SMG7: variants seen among roughly 807,000 people sequenced by gnomAD.
SMG7 encodes the protein SMG7 nonsense mediated mRNA decay factor.
SMG7 carries 34 observed loss-of-function variants against 148.2 expected under a neutral mutation model. That is an observed-to-expected ratio of 0.23 (90% confidence interval 0.17 to 0.31). The LOEUF is 0.31. SMG7 is among the 10% of genes least tolerant of loss of function. The probability of loss-of-function intolerance (pLI) is 1.00; values close to 1 mark genes in which losing one functional copy is unlikely to be tolerated. For synonymous variants in SMG7, 492 were observed against 515.1 expected (o/e 0.96, Z 0.61); for missense variants, 1,114 against 1,408.4 (o/e 0.79, Z 3.35).
intron 1 of SMG7, 30 bp from the exon 2 acceptor site, chr1:183,512,807 T>TC (rs778907684): frequency 6.9e-7 from 1 of 1,446,554 alleles, no homozygotes; most frequent in South Asian, 1.3e-5. Flanking sequence ...TAACTGATAC[T>TC]CTTTTTTTTT....
chr1:183,539,513 T>C (rs1668418870), intron 12 of SMG7, among the ~76,000 whole-genome samples: 3 of 152,228 alleles, frequency 2.0e-5, no homozygotes, highest in Admixed American at 6.5e-5. Context: ...TTGAATGGTA[T>C]GTCCCAAATT....
intron 4 of SMG7, among the ~76,000 whole-genome samples, chr1:183,524,114 C>G (rs1300210125): frequency 6.6e-6 from 1 of 151,812 alleles, no homozygotes; most frequent in Non-Finnish European, 1.5e-5. Flanking sequence ...GACGGGGTCT[C>G]TCTCTGTCAC....
At chr1:183,537,707 A>G (rs789171) in intron 11 of SMG7, among the ~76,000 whole-genome samples, 2,172 of 152,314 alleles carry the variant, frequency 0.014, 53 homozygotes, top group African/African-American at 0.049. Flanking sequence ...TTTGAAATTT[A>G]GTATTATATT....
At chr1:183,503,644 G>A (rs1250048201) in intron 1 of SMG7, among the ~76,000 whole-genome samples, 1 of 152,060 alleles carries the variant, frequency 6.6e-6, no homozygotes, top group East Asian at 1.9e-4. Flanking sequence ...GTGAGGGGAG[G>A]GAGGGACACC....
chr1:183,476,845 G>A (rs1180130257), intron 1 of SMG7, among the ~76,000 whole-genome samples: 1 of 152,126 alleles, frequency 6.6e-6, no homozygotes, highest in South Asian at 2.1e-4. Flanking sequence ...AGAATTCAGA[G>A]TATTTTCTCT....
At chr1:183,485,507 CTTA>C (rs1655232800) in intron 1 of SMG7, among the ~76,000 whole-genome samples, 1 of 152,120 alleles carries the variant, frequency 6.6e-6, no homozygotes, top group Non-Finnish European at 1.5e-5. Context: ...CTATTCCTCC[CTTA>C]TTATAGCTGT....
chr1:183,474,488 C>G (rs577837928), intron 1 of SMG7, among the ~76,000 whole-genome samples: 1 of 152,254 alleles, frequency 6.6e-6, no homozygotes, highest in East Asian at 1.9e-4. Flanking sequence ...CGCTTGAACC[C>G]GGGAGGCAGA....
At chr1:183,478,652 C>G (rs1653287545) in intron 1 of SMG7, among the ~76,000 whole-genome samples, 1 of 152,160 alleles carries the variant, frequency 6.6e-6, no homozygotes, top group African/African-American at 2.4e-5. Context: ...TTGCAAGTTT[C>G]ATGAGGCAGT....
At chr1:183,528,064 CT>C in intron 6 of SMG7, 37 bp downstream of exon 6, 3 of 1,511,030 alleles carry the variant, frequency 2.0e-6, no homozygotes, top group Non-Finnish European at 2.7e-6. Context: ...GACCGTGACA[CT>C]TTGTTCTTTA....
At chr1:183,493,782 G>A (rs1392301651) in intron 1 of SMG7, among the ~76,000 whole-genome samples, 2 of 152,072 alleles carry the variant, frequency 1.3e-5, no homozygotes, top group East Asian at 1.9e-4. Context: ...GGGTTTCGCT[G>A]TTGGCCAGGC....
intron 1 of SMG7, among the ~76,000 whole-genome samples, chr1:183,478,363 A>G (rs1391307028): frequency 6.6e-6 from 1 of 152,150 alleles, no homozygotes; most frequent in Non-Finnish European, 1.5e-5. Context: ...TTTTGAATGA[A>G]TGACTGTCTC....
intron 8 of SMG7, among the ~76,000 whole-genome samples, chr1:183,530,626 C>T (rs1010642649): frequency 6.6e-6 from 1 of 152,114 alleles, no homozygotes; most frequent in Non-Finnish European, 1.5e-5. Flanking sequence ...TTGAAAAGAA[C>T]ATACCTGTAT....
At position 183,553,047 on chromosome 1, in the gene SMG7, G is replaced by A; in HGVS notation, c.*1116G>A. On this transcript the variant is annotated 3_prime_UTR_variant, in exon 23 of 23. Transcript: ENST00000688051. ...GAAGAGGAAGGAAGCAGCAGTATCTGCGTAGCCCACAGAGGGCCCAGGCCC... is the reference window on the plus strand; with the variant it reads ...GAAGAGGAAGGAAGCAGCAGTATCTACGTAGCCCACAGAGGGCCCAGGCCC... 1 of 1,536,252 alleles carries A rather than the reference G, an allele frequency of 6.5e-7. No homozygotes were observed. Among genetic ancestry groups the A allele is most frequent in the African/African-American group, 1.4e-5 (1 of 73,188 alleles).
intron 1 of SMG7, among the ~76,000 whole-genome samples, chr1:183,500,104 T>TC (rs1659415962): frequency 6.6e-6 from 1 of 152,188 alleles, no homozygotes; most frequent in African/African-American, 2.4e-5. Flanking sequence ...TGAGGGGAAA[T>TC]AGCTTTCCTG....
chr1:183,480,608 C>T (rs1653837328), intron 1 of SMG7, among the ~76,000 whole-genome samples: 1 of 152,034 alleles, frequency 6.6e-6, no homozygotes, highest in South Asian at 2.1e-4. Flanking sequence ...ATCCCAGGTC[C>T]CTGGGGATAA....
intron 1 of SMG7, chr1:183,502,513 A>C: frequency 1.4e-6 from 1 of 730,732 alleles, no homozygotes; most frequent in Non-Finnish European, 2.0e-6. Context: ...TTTGGCCAAG[A>C]TCGGGATGGG....
chr1:183,542,224 G>A lies in SMG7; in HGVS notation c.1564G>A (p.Gly522Arg). 1 of 1,614,034 alleles carries A rather than the reference G, an allele frequency of 6.2e-7. No homozygotes were observed. The highest frequency in any genetic ancestry group is 8.5e-7 in the Non-Finnish European group (1 of 1,179,992). ...GTCGCTGGCTGCAGATGGGAGCCCA[G>A]GGCTAAAATCAGTGCTATCTACAAG... ...IESLAADGSP[G>R]LKSVLSTSRN... The change falls in exon 14 of 23, where the codon GGG becomes AGG. Residue 522 changes from glycine (G) to arginine (R), a missense_variant. Coordinates refer to ENST00000688051, the MANE Select transcript of SMG7 (RefSeq NM_001375584.1).
At chr1:183,514,347 C>T (rs918778385) in intron 2 of SMG7, among the ~76,000 whole-genome samples, 14 of 152,048 alleles carry the variant, frequency 9.2e-5, no homozygotes, top group African/African-American at 3.1e-4. Flanking sequence ...TGGATAATCT[C>T]GTGTCATCTT....
In SMG7 at chr1:183,553,729, TGTGC is replaced by T; in HGVS notation, c.*1799_*1802del. The T allele has an allele frequency of 6.5e-6, 1 of 154,152 alleles. No individual in the cohort carries two copies. The allele number at this position is 154,152 out of a possible 1,614,324, so 9.5% of individuals were successfully genotyped here. A position where few individuals can be genotyped will look rare whatever the true frequency, so the allele number is the denominator to read the frequency against. ...TACCCAATGGCAATATGAAACCTTT[TGTGC>T]TTCTCTTCAGCCCCTTCCCTGTGTC... On this transcript the variant is annotated 3_prime_UTR_variant, in exon 23 of 23. Transcript: ENST00000688051.
Sources: allele counts gnomAD v4.1 joint callset (sites outside exome capture counted in the v4.1 genomes callset), GRCh38; gene constraint gnomAD v4.1.1; transcripts MANE v1.5; gene names NCBI Gene and HGNC (gene_info 2026-07-23, HGNC 2026-07-21).